Variants in SORCS3 observed in about 807,000 individuals in gnomAD.
SORCS3 encodes the protein VPS10 domain-containing receptor SorCS3.
In SORCS3, 57 loss-of-function variants were observed where a neutral mutation model predicts 146.3. The ratio of observed to expected loss-of-function variants is 0.39; its 90% CI spans 0.31 to 0.49. The LOEUF (loss-of-function observed/expected upper bound fraction) is 0.49. Among genes scored for constraint, SORCS3 ranks in the 20% least tolerant of loss-of-function variants. SORCS3 has a pLI of 0.92. For missense variants in SORCS3, 1,341 were observed against 1,575.5 expected (o/e 0.85, Z 2.52); for synonymous variants, 653 against 618.5 (o/e 1.06, Z -0.83).
intron 5 of SORCS3, among the ~76,000 whole-genome samples, chr10:105,084,730 C>CT (rs2055647726): frequency 7.1e-6 from 1 of 140,374 alleles, no homozygotes; most frequent in African/African-American, 2.6e-5. Context: ...AGTGCTGCTT[C>CT]TTCTTTTTTT....
At chr10:104,960,268 A>C (rs1358817766) in intron 3 of SORCS3, among the ~76,000 whole-genome samples, 1 of 152,180 alleles carries the variant, frequency 6.6e-6, no homozygotes, top group Admixed American at 6.6e-5. Context: ...GATAACTTGA[A>C]GGTTATCTTC....
chr10:104,934,592 A>G (rs1289144728), intron 3 of SORCS3, among the ~76,000 whole-genome samples: 1 of 152,144 alleles, frequency 6.6e-6, no homozygotes, highest in Non-Finnish European at 1.5e-5. Context: ...ATGTGCGCAT[A>G]AGTGCACTCA....
chr10:105,123,307 G>A (rs998520429), intron 7 of SORCS3, among the ~76,000 whole-genome samples: 1 of 152,178 alleles, frequency 6.6e-6, no homozygotes, highest in Non-Finnish European at 1.5e-5. Context: ...AACTCCACAA[G>A]TTGTCTTGCT....
At chr10:105,035,798 C>T (rs2055302603) in intron 4 of SORCS3, among the ~76,000 whole-genome samples, 1 of 152,134 alleles carries the variant, frequency 6.6e-6, no homozygotes, top group Non-Finnish European at 1.5e-5. Flanking sequence ...TGTGAATTTG[C>T]TTGAAAAGTA....
At chr10:104,698,260 A>T (rs1321346533) in intron 1 of SORCS3, among the ~76,000 whole-genome samples, 1 of 152,138 alleles carries the variant, frequency 6.6e-6, no homozygotes, top group Non-Finnish European at 1.5e-5. Flanking sequence ...GCTTGTACAG[A>T]GTCACATGGG....
rs184368953 is a variant in SORCS3 at position 105,125,971 on chromosome 10, T to C, written c.1213-13426T>C. On this transcript the variant is annotated intron_variant, in intron 7 of 26. Coordinates refer to ENST00000369701, the MANE Select transcript of SORCS3 (RefSeq NM_014978.3). ...GGAATCCAAGTCTAGGCTTGGTTGC[T>C]GTGTTCCTTGTTAGTTTTCACAACG... 5.2e-4 allele frequency among the ~76,000 whole-genome samples: 79 copies of C among 152,268 alleles called. 2 individuals are homozygous for C. In the East Asian group the frequency reaches 8.1e-3, roughly 16 times the overall value.
At chr10:104,785,782 C>A (rs920203574) in intron 1 of SORCS3, among the ~76,000 whole-genome samples, 2 of 152,082 alleles carry the variant, frequency 1.3e-5, no homozygotes, top group East Asian at 1.9e-4. Flanking sequence ...TTCTAGTTCT[C>A]GGGTGTTCTG....
At position 104,737,614 on chromosome 10, in the gene SORCS3, T is replaced by G. The variant is rs919581341; in HGVS notation, c.627+95660T>G. On this transcript the variant is annotated intron_variant, in intron 1 of 26. Coordinates refer to ENST00000369701, the MANE Select transcript of SORCS3 (RefSeq NM_014978.3). ...GTCTGTTCATATCCTTTGCCCACTT[T>G]TTGATGGGGTTGTTTGCTTTTTTCT... 3.1e-3 allele frequency among the ~76,000 whole-genome samples: 468 copies of G among 152,350 alleles called. 9 individuals carry two copies. The highest frequency in any genetic ancestry group is 1.1e-3 in the Non-Finnish European group (73 of 68,036).
At chr10:104,644,435 A>C (rs563675475) in intron 1 of SORCS3, among the ~76,000 whole-genome samples, 58 of 152,348 alleles carry the variant, frequency 3.8e-4, no homozygotes, top group Non-Finnish European at 6.8e-4. Context: ...TGTCTTTGAG[A>C]CTTTAAGGAA....
chr10:105,236,105 A>T (rs1266528117), intron 20 of SORCS3, among the ~76,000 whole-genome samples: 1 of 152,102 alleles, frequency 6.6e-6, no homozygotes, highest in African/African-American at 2.4e-5. Context: ...CTCCGTATAG[A>T]TGACTAATGC....
intron 3 of SORCS3, among the ~76,000 whole-genome samples, chr10:104,940,224 ATATATATATATATATT>A (rs1285279301): frequency 7.0e-4 from 18 of 25,864 alleles, no homozygotes; most frequent in East Asian, 4.6e-3. Context: ...ATATATATAT[ATATATATATATATATT>A]TTTTTTTTTT....
chr10:104,696,486 T>G (rs375921574), intron 1 of SORCS3, among the ~76,000 whole-genome samples: 510 of 43,256 alleles, frequency 0.012, 102 homozygotes, highest in African/African-American at 0.021. Flanking sequence ...ATAGAATATA[T>G]AATATATAAT....
intron 26 of SORCS3, 79 bp from the exon 27 acceptor site, chr10:105,263,231 T>C: frequency 1.4e-6 from 2 of 1,412,468 alleles, no homozygotes. Flanking sequence ...TGGCTTGGTA[T>C]TTAGCAGTGA....
At chr10:104,818,169 C>T (rs1349422712) in intron 1 of SORCS3, among the ~76,000 whole-genome samples, 2 of 152,150 alleles carry the variant, frequency 1.3e-5, no homozygotes, top group East Asian at 1.9e-4. Flanking sequence ...CACCTCCCCT[C>T]ACTTCTTTCT....
intron 23 of SORCS3, 91 bp downstream of exon 23, chr10:105,252,997 C>T (rs1243913046): frequency 2.0e-6 from 3 of 1,466,324 alleles, no homozygotes; most frequent in African/African-American, 1.4e-5. Flanking sequence ...GGGAGACAGG[C>T]TCTCTTCCAT....
At chr10:104,810,093 G>A (rs1167694342) in intron 1 of SORCS3, among the ~76,000 whole-genome samples, 2 of 152,182 alleles carry the variant, frequency 1.3e-5, no homozygotes, top group African/African-American at 2.4e-5. Context: ...CATCTTGAAT[G>A]TTAAAATTTA....
At chr10:104,915,081 C>G (rs2019011255) in intron 2 of SORCS3, among the ~76,000 whole-genome samples, 1 of 152,046 alleles carries the variant, frequency 6.6e-6, no homozygotes, top group Non-Finnish European at 1.5e-5. Context: ...CACCCTCTCT[C>G]CCTCCTCCAC....
intron 1 of SORCS3, among the ~76,000 whole-genome samples, chr10:104,762,396 A>G (rs145607957): frequency 0.01 from 1,555 of 152,296 alleles, 32 homozygotes; most frequent in African/African-American, 0.035. Flanking sequence ...GAAGCAGGAA[A>G]CGCATTTGCT....
intron 5 of SORCS3, among the ~76,000 whole-genome samples, chr10:105,071,453 A>G (rs1226242469): frequency 6.6e-6 from 1 of 152,240 alleles, no homozygotes; most frequent in East Asian, 1.9e-4. Flanking sequence ...GCATTTAGTA[A>G]GTCCAGATAC....
Sources: allele counts gnomAD v4.1 joint callset (sites outside exome capture counted in the v4.1 genomes callset), GRCh38; gene constraint gnomAD v4.1.1; transcripts MANE v1.5; gene names NCBI Gene and HGNC (gene_info 2026-07-23, HGNC 2026-07-21).